CCDC141: variants seen among roughly 807,000 people sequenced by gnomAD.
CCDC141 encodes the protein coiled-coil domain-containing protein 141.
CCDC141 carries 168 observed loss-of-function variants against 181.0 expected under a neutral mutation model. That is an observed-to-expected ratio of 0.93 (90% CI 0.82 to 1.05). The LOEUF (loss-of-function observed/expected upper bound fraction) is 1.05, where lower values mean the gene tolerates loss of function less well. CCDC141 is among the 50% of genes least tolerant of loss of function. The probability of loss-of-function intolerance (pLI) is 0.00; values close to 1 mark genes in which losing one functional copy is unlikely to be tolerated. For synonymous variants in CCDC141, 666 were observed against 642.3 expected (o/e 1.04, Z -0.56); for missense variants, 1,902 against 1,788.5 (o/e 1.06, Z -1.14).
intron 6 of CCDC141, among the ~76,000 whole-genome samples, chr2:178,923,963 G>A (rs1251725414): frequency 6.6e-6 from 1 of 152,092 alleles, no homozygotes; most frequent in East Asian, 1.9e-4. Flanking sequence ...TTATGAACTG[G>A]CATAACAATT....
intron 2 of CCDC141, among the ~76,000 whole-genome samples, chr2:179,028,738 A>G (rs2042924376): frequency 6.6e-6 from 1 of 152,228 alleles, no homozygotes. Flanking sequence ...TTATAGAAAT[A>G]TACTATGTTG....
chr2:179,030,856 T>C (rs922732859), intron 2 of CCDC141, among the ~76,000 whole-genome samples: 3 of 152,114 alleles, frequency 2.0e-5, no homozygotes, highest in African/African-American at 4.8e-5. Flanking sequence ...TTCTTTCTTT[T>C]CTTATCCTTG....
intron 2 of CCDC141, among the ~76,000 whole-genome samples, chr2:178,996,506 T>C (rs7564269): frequency 0.85 from 129,971 of 152,220 alleles, 56,438 homozygotes; most frequent in Non-Finnish European, 0.93. Flanking sequence ...CACAAAGGTG[T>C]TAAAATAAAT....
At chr2:178,991,689 A>G (rs998464740) in intron 2 of CCDC141, among the ~76,000 whole-genome samples, 10 of 152,110 alleles carry the variant, frequency 6.6e-5, no homozygotes, top group African/African-American at 2.4e-4. Context: ...TTTTAATGTC[A>G]TCAACACAAA....
At chr2:178,930,081 A>AT (rs1689043241) in intron 6 of CCDC141, among the ~76,000 whole-genome samples, 1 of 152,134 alleles carries the variant, frequency 6.6e-6, no homozygotes, top group South Asian at 2.1e-4. Context: ...ATTTTTAAAA[A>AT]TTAAAGCAAA....
intron 11 of CCDC141, 128 bp from the exon 12 acceptor site, chr2:178,878,271 A>ATTTG: frequency 6.3e-6 from 1 of 158,644 alleles, no homozygotes; most frequent in Non-Finnish European, 1.0e-5. Flanking sequence ...TTGTAAACAT[A>ATTTG]TTTATTTATT....
intron 18 of CCDC141, 29 bp downstream of exon 18, chr2:178,856,228 C>T (rs1420942545): frequency 1.9e-6 from 3 of 1,579,648 alleles, no homozygotes; most frequent in African/African-American, 2.7e-5. Flanking sequence ...TACACATGCG[C>T]ACATATACAA....
At chr2:178,885,545 G>T (rs1401556124) in intron 10 of CCDC141, among the ~76,000 whole-genome samples, 2 of 152,128 alleles carry the variant, frequency 1.3e-5, no homozygotes, top group African/African-American at 2.4e-5. Flanking sequence ...CAATAGTGCA[G>T]TCTTATTTAA....
intron 8 of CCDC141, among the ~76,000 whole-genome samples, chr2:178,899,544 A>C (rs1327035742): frequency 3.3e-5 from 5 of 152,206 alleles, no homozygotes; most frequent in Admixed American, 3.3e-4. Flanking sequence ...AGAGAAATTA[A>C]GTTTAAATGT....
chr2:178,973,045 T>C (rs1414028775), intron 4 of CCDC141, among the ~76,000 whole-genome samples: 1 of 152,228 alleles, frequency 6.6e-6, no homozygotes, highest in Non-Finnish European at 1.5e-5. Flanking sequence ...CTAGAATGGC[T>C]AGCTGCACTT....
At chr2:178,938,995 T>C (rs982472980) in intron 6 of CCDC141, among the ~76,000 whole-genome samples, 1 of 152,156 alleles carries the variant, frequency 6.6e-6, no homozygotes, top group African/African-American at 2.4e-5. Context: ...CCCTTTTCTC[T>C]AATCTAATCT....
rs772676835 is a variant in CCDC141, at chr2:178,918,910, G to C, written c.898-3C>G. 48 of 1,549,036 alleles carry C rather than the reference G, an allele frequency of 3.1e-5. No individual in the cohort carries two copies. The highest frequency in any genetic ancestry group is 5.5e-5 in the African/African-American group (4 of 72,926). ...TTCTCAACAGCAGAATTCCATTCCT[G>C]CAAGAGATTATTCTTATTATTTTAT... On this transcript the variant is annotated splice_polypyrimidine_tract_variant and splice_region_variant and intron_variant, in intron 6 of 23. Transcript: ENST00000443758.
chr2:179,021,621 T>C (rs1207160421), intron 2 of CCDC141, among the ~76,000 whole-genome samples: 1 of 152,146 alleles, frequency 6.6e-6, no homozygotes, highest in Non-Finnish European at 1.5e-5. Flanking sequence ...CTGCCGTCAG[T>C]AGGAAATGTC....
At position 178,837,618 on chromosome 2, in the gene CCDC141, G is replaced by C. The variant is rs778933944; in HGVS notation, c.3601C>G (p.Leu1201Val). Residue 1201 changes from leucine (L) to valine (V), a missense_variant, in exon 23 of 24, where the codon CTC (leucine) becomes GTC (valine). Coordinates refer to ENST00000443758, the MANE Select transcript of CCDC141 (RefSeq NM_173648.4). ...ACACACTCATATTCTTCCCCTGAGA[G>C]CATGTCTTCAGGCAGGAGCAGGTCC... Reference protein sequence around the residue: ...VQDLLLPEDMLSGEEYECVSP... With the variant: ...VQDLLLPEDMVSGEEYECVSP... 2.4e-5 allele frequency: 39 copies of C among 1,613,924 alleles called. No individual in the cohort carries two copies. Among genetic ancestry groups the C allele is most frequent in the Non-Finnish European group, 3.2e-5 (38 of 1,179,960 alleles).
At chr2:178,991,295 A>G (rs1692043206) in intron 2 of CCDC141, among the ~76,000 whole-genome samples, 1 of 152,200 alleles carries the variant, frequency 6.6e-6, no homozygotes, top group Non-Finnish European at 1.5e-5. Context: ...TTCCTCCCAT[A>G]TAAAACATTT....
downstream of CCDC141, among the ~76,000 whole-genome samples, chr2:178,828,341 C>T (rs1209265006): frequency 6.6e-6 from 1 of 152,148 alleles, no homozygotes; most frequent in Non-Finnish European, 1.5e-5. Flanking sequence ...TACATATCCC[C>T]AGTCACCACC....
intron 7 of CCDC141, among the ~76,000 whole-genome samples, chr2:178,914,086 C>T (rs1422926973): frequency 6.6e-6 from 1 of 152,158 alleles, no homozygotes; most frequent in Non-Finnish European, 1.5e-5. Context: ...TCTGTGAACA[C>T]ACTAGAAGTA....
Position 178,905,446 on chromosome 2 carries a change from C to A in CCDC141, c.1148G>T (p.Gly383Val). 2 of 1,550,964 alleles carry A rather than the reference C, an allele frequency of 1.3e-6. No individual in the cohort carries two copies. Among genetic ancestry groups the A allele is most frequent in the Non-Finnish European group, 1.7e-6 (2 of 1,147,002 alleles). The change falls in exon 8 of 24, where the codon GGT becomes GTT. Residue 383 changes from glycine to valine, a missense_variant. Gly to Val is a moderately radical substitution (Grantham distance 109). Coordinates refer to ENST00000443758, the MANE Select transcript of CCDC141 (RefSeq NM_173648.4). ...CACTGCCAAAACAGCCAGACTTAAA[C>A]CCTCTGATTTAAGGAGCTTAAGGTA... is the stretch of plus-strand genomic sequence containing the variant. ...EAYLKLLKSE[G>V]LSLAVLAVRH...
chr2:178,958,878 C>CTT (rs757650351), intron 5 of CCDC141, among the ~76,000 whole-genome samples: 10 of 132,250 alleles, frequency 7.6e-5, no homozygotes, highest in Admixed American at 2.3e-4. Context: ...CTTTGATGAG[C>CTT]TTTTTTTTTT....
Sources: allele counts gnomAD v4.1 joint callset (sites outside exome capture counted in the v4.1 genomes callset), GRCh38; gene constraint gnomAD v4.1.1; transcripts MANE v1.5; gene names NCBI Gene and HGNC (gene_info 2026-07-23, HGNC 2026-07-21).